The following HDAC9 variants were observed in gnomAD, a reference collection of about 807,000 sequenced individuals.
HDAC9 encodes the protein histone deacetylase 9, also known as MEF-2 interacting transcription repressor (MITR) protein.
In HDAC9, 41 loss-of-function variants were observed where a neutral mutation model predicts 139.4. The observed-to-expected ratio is 0.29, with a 90% CI of 0.23 to 0.38. The LOEUF is 0.38. Among genes scored for constraint, HDAC9 ranks in the 10% least tolerant of loss-of-function variants. The pLI is 1.00. For missense variants in HDAC9, 1,147 were observed against 1,297.0 expected, an observed-to-expected ratio of 0.88 and a Z score of 1.78; for synonymous variants, 517 against 476.2, an observed-to-expected ratio of 1.09 and a Z score of -1.12.
intron 2 of HDAC9, among the ~76,000 whole-genome samples, chr7:18,244,048 T>TAGCC (rs1794362462): frequency 6.6e-6 from 1 of 152,214 alleles, no homozygotes; most frequent in Non-Finnish European, 1.5e-5. Context: ...TGTTGCTGAA[T>TAGCC]AGCCCAGCAT....
In HDAC9 at chr7:18,137,857, T is replaced by G. The variant is rs575295442; in HGVS notation, c.-96-24372T>G. Among the ~76,000 whole-genome samples, 6 of 152,296 alleles carry G rather than the reference T, an allele frequency of 3.9e-5. No individual in the cohort carries two copies. The South Asian group carries it at 1.2e-3, about 32-fold the overall frequency. Reference sequence around the variant, plus strand: ...GAAGGATTCCCTCTTTTTCTATTGATCGGAATAGTTTCAGAAGGAATGGTA... The same window carrying G: ...GAAGGATTCCCTCTTTTTCTATTGAGCGGAATAGTTTCAGAAGGAATGGTA... On this transcript the variant is annotated intron_variant, in intron 1 of 12. Transcript: ENST00000417496.
intron 2 of HDAC9, among the ~76,000 whole-genome samples, chr7:18,513,848 A>C (rs1227393580): frequency 6.6e-6 from 1 of 152,168 alleles, no homozygotes; most frequent in East Asian, 1.9e-4. Context: ...GAACCTCCAA[A>C]ATAATTTTGA....
At chr7:18,596,568 A>G (rs551781885) in intron 6 of HDAC9, among the ~76,000 whole-genome samples, 16 of 152,252 alleles carry the variant, frequency 1.1e-4, no homozygotes, top group Admixed American at 3.9e-4. Flanking sequence ...AAATTTTACC[A>G]TAATAAAACA....
intron 2 of HDAC9, among the ~76,000 whole-genome samples, chr7:18,263,653 G>C (rs918906238): frequency 1.3e-5 from 2 of 149,418 alleles, no homozygotes; most frequent in African/African-American, 5.0e-5. Flanking sequence ...CTGTCACCTA[G>C]GCTGGAGTGC....
chr7:18,716,824 AC>A (rs1271705895), intron 12 of HDAC9, among the ~76,000 whole-genome samples: 2 of 152,090 alleles, frequency 1.3e-5, no homozygotes, highest in African/African-American at 4.8e-5. Context: ...AACACTGGTT[AC>A]TCTTGAATCC....
intron 1 of HDAC9, among the ~76,000 whole-genome samples, chr7:18,465,782 C>T (rs1331695074): frequency 6.6e-6 from 1 of 152,136 alleles, no homozygotes; most frequent in Non-Finnish European, 1.5e-5. Flanking sequence ...TAAGCTTCTA[C>T]CCCTTTCCAC....
At chr7:18,298,426 T>C (rs751679706) in intron 1 of HDAC9, among the ~76,000 whole-genome samples, 2 of 152,062 alleles carry the variant, frequency 1.3e-5, no homozygotes, top group African/African-American at 4.8e-5. Context: ...TCCAATGCTA[T>C]CCCTCCCCGC....
At chr7:18,629,818 G>A (rs1781788969) in intron 7 of HDAC9, among the ~76,000 whole-genome samples, 1 of 152,118 alleles carries the variant, frequency 6.6e-6, no homozygotes, top group South Asian at 2.1e-4. Flanking sequence ...TCAGAAATGA[G>A]CAGAGGGAGG....
intron 2 of HDAC9, among the ~76,000 whole-genome samples, chr7:18,201,911 G>A (rs761358189): frequency 7.9e-5 from 12 of 152,146 alleles, no homozygotes; most frequent in Non-Finnish European, 1.2e-4. Context: ...TTAAGTAGCC[G>A]GTAATGAGAG....
At chr7:18,590,222 A>T in intron 3 of HDAC9, 114 bp from the exon 4 acceptor site, 1 of 1,095,906 alleles carries the variant, frequency 9.1e-7, no homozygotes, top group Non-Finnish European at 1.3e-6. Context: ...AGTGGGTACA[A>T]ATATGAACTA....
intron 1 of HDAC9, among the ~76,000 whole-genome samples, chr7:18,419,951 G>A (rs1789463374): frequency 6.6e-6 from 1 of 152,112 alleles, no homozygotes; most frequent in Non-Finnish European, 1.5e-5. Context: ...CATGAATCTC[G>A]GAGGCCTGCA....
chr7:18,774,444 G>T (rs1388398634), intron 16 of HDAC9, among the ~76,000 whole-genome samples: 3 of 151,960 alleles, frequency 2.0e-5, no homozygotes, highest in Non-Finnish European at 4.4e-5. Context: ...ACACAGTAAA[G>T]CAAATAGCAC....
rs1413580589 is a variant in HDAC9, at chr7:18,874,604, C to T, written c.2803+8C>T. The T allele has an allele frequency of 2.7e-6, 4 of 1,500,488 alleles. No individual in the cohort carries two copies. Among genetic ancestry groups the T allele is most frequent in the South Asian group, 2.4e-5 (2 of 84,294 alleles). The allele number at this position is 1,500,488 out of a possible 1,614,324, so 92.9% of individuals were successfully genotyped here. A position where few individuals can be genotyped will look rare whatever the true frequency, so the allele number is the denominator to read the frequency against. ...ACAAAGTGACGGCAAAATGTAAGTA[C>T]CTCTTTCAGGACTTTACGAAAGGCT... On this transcript the variant is annotated splice_region_variant and intron_variant, in intron 22 of 25. Coordinates refer to ENST00000686413, the MANE Select transcript of HDAC9 (RefSeq NM_178425.4).
At chr7:18,661,551 A>G (rs1005831257) in intron 11 of HDAC9, among the ~76,000 whole-genome samples, 3 of 152,078 alleles carry the variant, frequency 2.0e-5, no homozygotes, top group African/African-American at 4.8e-5. Context: ...AATCAAATTC[A>G]TATCTTACAA....
At chr7:18,734,226 G>C (rs192072118) in intron 13 of HDAC9, among the ~76,000 whole-genome samples, 2 of 151,934 alleles carry the variant, frequency 1.3e-5, no homozygotes, top group Non-Finnish European at 2.9e-5. Context: ...AGTGATGTGT[G>C]ATCAGTGATC....
Position 18,524,332 on chromosome 7 carries a change from A to G in HDAC9, c.22+28008A>G, listed in dbSNP as rs898953045. Among the ~76,000 whole-genome samples the G allele has an allele frequency of 3.9e-5, 6 of 152,110 alleles. 1 individual carries two copies. Among genetic ancestry groups the G allele is most frequent in the Admixed American group, 2.6e-4 (4 of 15,260 alleles). ...GAATTGCAGGGATTTTAAACTCATA[A>G]TTACTCCTCAGCTGTAAATTTCAGA... On this transcript the variant is annotated intron_variant, in intron 2 of 25. Coordinates refer to ENST00000686413, the MANE Select transcript of HDAC9 (RefSeq NM_178425.4).
chr7:18,462,817 G>A (rs1032791285), intron 1 of HDAC9, among the ~76,000 whole-genome samples: 1 of 151,890 alleles, frequency 6.6e-6, no homozygotes, highest in Non-Finnish European at 1.5e-5. Context: ...GTCCAGTTTT[G>A]ATCATGTTTA....
intron 12 of HDAC9, among the ~76,000 whole-genome samples, chr7:18,704,637 A>C (rs1783746802): frequency 6.6e-6 from 1 of 152,214 alleles, no homozygotes; most frequent in Non-Finnish European, 1.5e-5. Context: ...TTTGGAGCAA[A>C]GATAAAATGA....
chr7:18,234,672 T>C (rs1442311050), intron 2 of HDAC9, among the ~76,000 whole-genome samples: 2 of 152,188 alleles, frequency 1.3e-5, no homozygotes, highest in African/African-American at 2.4e-5. Context: ...TTAACCAGCA[T>C]GTCCTATTGT....
Sources: gnomAD v4.1 joint callset for allele counts (sites outside exome capture counted in the v4.1 genomes callset) on GRCh38, gnomAD v4.1.1 for gene constraint, MANE v1.5 for transcripts, NCBI Gene and HGNC (gene_info 2026-07-23, HGNC 2026-07-21) for gene names.